Variants in BBX observed in about 807,000 individuals in gnomAD.
The protein encoded by BBX is BBX high mobility group box domain containing.
Under a neutral mutation model 100.2 loss-of-function variants are expected in BBX, and 30 were observed. That is an observed-to-expected ratio of 0.30 (90% confidence interval 0.22 to 0.41). The LOEUF is 0.41. BBX is among the 10% of genes least tolerant of loss of function. BBX has a pLI of 1.00. For synonymous variants in BBX, 376 were observed against 388.1 expected, an observed-to-expected ratio of 0.97 and a Z score of 0.37; for missense variants, 1,023 against 1,129.8, an observed-to-expected ratio of 0.91 and a Z score of 1.35.
Position 107,621,686 on chromosome 3 carries a change from C to T in BBX, c.-83-24150C>T, listed in dbSNP as rs115354715. Among the ~76,000 whole-genome samples the T allele has an allele frequency of 8.5e-3, 1,299 of 152,196 alleles. 25 individuals carry two copies. Among genetic ancestry groups the T allele is most frequent in the African/African-American group, 0.03 (1,239 of 41,514 alleles). Reference sequence around the variant, plus strand: ...ACATAGTGTTCTTTGATTTTCTTTCCATGTGCTATTTTGGTCTTGGTTTTG... The same window carrying T: ...ACATAGTGTTCTTTGATTTTCTTTCTATGTGCTATTTTGGTCTTGGTTTTG... On this transcript the variant is annotated intron_variant, in intron 2 of 17. Coordinates refer to ENST00000325805, the MANE Select transcript of BBX (RefSeq NM_001142568.3).
Position 107,773,674 on chromosome 3 carries a change from C to T in BBX, c.1915+38C>T. The T allele has an allele frequency of 1.3e-6, 2 of 1,547,176 alleles. No individual in the cohort carries two copies. Among genetic ancestry groups the T allele is most frequent in the Non-Finnish European group, 1.7e-6 (2 of 1,150,804 alleles). On this transcript the variant is annotated intron_variant, in intron 11 of 17. Coordinates refer to ENST00000325805, the MANE Select transcript of BBX (RefSeq NM_001142568.3). The surrounding 1 kb of genome is among the most constrained non-coding windows in gnomAD (Gnocchi z 4.1). ...TACAAACCTGAAAAGAATTCAAAAA[C>T]CAAACAGAATTTCACCTTTAGACCT...
At chr3:107,690,018 T>G (rs1245761285) in intron 3 of BBX, among the ~76,000 whole-genome samples, 2 of 152,200 alleles carry the variant, frequency 1.3e-5, no homozygotes, top group Non-Finnish European at 2.9e-5. Context: ...TATAAAGTGG[T>G]ACATAGTTGG....
intron 13 of BBX, among the ~76,000 whole-genome samples, chr3:107,782,986 AT>A (rs2068057493): frequency 6.6e-6 from 1 of 152,120 alleles, no homozygotes. Context: ...GCCCTTCTGC[AT>A]TTTACTTTCT....
intron 2 of BBX, among the ~76,000 whole-genome samples, chr3:107,572,943 CTAATA>C (rs1261639119): frequency 6.6e-6 from 1 of 152,094 alleles, no homozygotes; most frequent in African/African-American, 2.4e-5. Context: ...AAATTTCCAA[CTAATA>C]TAATATTTTA....
At chr3:107,607,340 C>T (rs1474142739) in intron 2 of BBX, among the ~76,000 whole-genome samples, 2 of 152,272 alleles carry the variant, frequency 1.3e-5, no homozygotes, top group African/African-American at 2.4e-5. Flanking sequence ...CTCGGCCTCC[C>T]AAAGTGCTGG....
chr3:107,746,754 C>A lies in BBX; in HGVS notation c.751-1211C>A, dbSNP rs186974826. 1.7e-3 allele frequency among the ~76,000 whole-genome samples: 258 copies of A among 152,228 alleles called. 2 individuals carry two copies. Among genetic ancestry groups the A allele is most frequent in the Admixed American group, 4.3e-3 (66 of 15,272 alleles). ...CAGATGTGAGCCACACTATGCCAGC[C>A]TCCTGATTCTTTCCCATTCCTAAAC... On this transcript the variant is annotated intron_variant, in intron 8 of 17. Transcript: ENST00000325805.
At chr3:107,526,823 C>G (rs930266781) in intron 2 of BBX, 3 of 152,726 alleles carry the variant, frequency 2.0e-5, no homozygotes, top group African/African-American at 7.2e-5. Flanking sequence ...TTTGCTTACT[C>G]TCTCTCAAGT....
chr3:107,580,182 T>C (rs141320688), intron 2 of BBX, among the ~76,000 whole-genome samples: 1 of 152,128 alleles, frequency 6.6e-6, no homozygotes, highest in Non-Finnish European at 1.5e-5. Context: ...ATTTCAGACA[T>C]AGGAAATTAT....
Position 107,764,028 on chromosome 3 carries a change from T to C in BBX, c.906+8350T>C, listed in dbSNP as rs183769290. On this transcript the variant is annotated intron_variant, in intron 10 of 17. Coordinates refer to ENST00000325805, the MANE Select transcript of BBX (RefSeq NM_001142568.3). ...CGTTTTTTGAGATGGAGTCTTGCTC[T>C]GTCGCCCAGGCTGGAGTGCAGTGGC... Among the ~76,000 whole-genome samples, 86 of 152,328 alleles carry C rather than the reference T, an allele frequency of 5.6e-4. 1 individual carries two copies. Among genetic ancestry groups the C allele is most frequent in the Non-Finnish European group, 1.1e-3 (72 of 68,030 alleles).
intron 2 of BBX, among the ~76,000 whole-genome samples, chr3:107,550,317 C>G (rs944928991): frequency 6.6e-5 from 10 of 152,062 alleles, no homozygotes; most frequent in African/African-American, 2.4e-4. Context: ...TGGAGAGGTA[C>G]AGACAATATG....
At chr3:107,718,837 C>T (rs1410321901) in intron 5 of BBX, among the ~76,000 whole-genome samples, 2 of 152,034 alleles carry the variant, frequency 1.3e-5, no homozygotes, top group Non-Finnish European at 2.9e-5. Context: ...GGATGTTCCA[C>T]GTTATAATTT....
chr3:107,785,684 C>T (rs1200858851), intron 13 of BBX, among the ~76,000 whole-genome samples: 1 of 151,894 alleles, frequency 6.6e-6, no homozygotes, highest in Non-Finnish European at 1.5e-5. Context: ...ATTCCTCAGC[C>T]TGATAAAAGG....
At chr3:107,579,250 G>A (rs988087660) in intron 2 of BBX, among the ~76,000 whole-genome samples, 4 of 152,202 alleles carry the variant, frequency 2.6e-5, no homozygotes, top group East Asian at 1.9e-4. Context: ...CGTAAAGGGC[G>A]AGTAAGCACT....
intron 3 of BBX, among the ~76,000 whole-genome samples, chr3:107,677,704 T>C (rs2059356899): frequency 1.3e-5 from 2 of 152,166 alleles, no homozygotes; most frequent in African/African-American, 4.8e-5. Context: ...ATTCAGTAAC[T>C]TGGGTATATT....
At chr3:107,696,559 A>G (rs2060616938) in intron 3 of BBX, among the ~76,000 whole-genome samples, 1 of 151,876 alleles carries the variant, frequency 6.6e-6, no homozygotes, top group South Asian at 2.1e-4. Flanking sequence ...GTTTCTGCCA[A>G]GAGATCCGCT....
intron 9 of BBX, among the ~76,000 whole-genome samples, chr3:107,754,627 G>A (rs372846995): frequency 1.8e-4 from 27 of 152,220 alleles, no homozygotes; most frequent in East Asian, 1.4e-3. Context: ...TAACAACTTC[G>A]TAGAATCACC....
intron 8 of BBX, among the ~76,000 whole-genome samples, chr3:107,745,675 A>C (rs1238901592): frequency 6.6e-6 from 1 of 152,008 alleles, no homozygotes; most frequent in Admixed American, 6.6e-5. Flanking sequence ...GCTGTTCTTG[A>C]ATTAGTGATC....
chr3:107,756,604 A>G (rs1012843772), intron 10 of BBX, among the ~76,000 whole-genome samples: 1 of 152,164 alleles, frequency 6.6e-6, no homozygotes, highest in African/African-American at 2.4e-5. Context: ...TAAAATATAT[A>G]ATATCTTTAA....
At chr3:107,768,206 C>A (rs1023744097) in intron 10 of BBX, among the ~76,000 whole-genome samples, 1 of 152,168 alleles carries the variant, frequency 6.6e-6, no homozygotes, top group Non-Finnish European at 1.5e-5. Context: ...GCTTCCGTTT[C>A]CCTAATTAGA....
Sources: allele counts gnomAD v4.1 joint callset (sites outside exome capture counted in the v4.1 genomes callset), GRCh38; gene constraint gnomAD v4.1.1; non-coding constraint Gnocchi (gnomAD v3.1); transcripts MANE v1.5; gene names NCBI Gene and HGNC (gene_info 2026-07-23, HGNC 2026-07-21).